Variants in PFDN1 observed in about 807,000 individuals in gnomAD.
PFDN1 encodes the protein prefoldin subunit 1.
Under a neutral mutation model 17.3 loss-of-function variants are expected in PFDN1, and 6 were observed. That is an observed-to-expected ratio of 0.35 (90% confidence interval 0.19 to 0.69). The LOEUF is 0.69. Ranked by LOEUF, PFDN1 falls within the 30% of genes least tolerant of loss-of-function variation. The pLI is 0.65. For synonymous variants in PFDN1, 58 were observed against 50.1 expected, an observed-to-expected ratio of 1.16 and a Z score of -0.67; for missense variants, 113 against 146.2, an observed-to-expected ratio of 0.77 and a Z score of 1.17.
chr5:140,303,101 T>C lies in PFDN1; in HGVS notation c.-28A>G, dbSNP rs1765774306. ...TGGTGCACTGTAAGCGCCTGCGCAG[T>C]GGGAGTTGGACTGAAATAGGGTGGG... On this transcript the variant is annotated 5_prime_UTR_variant, in exon 1 of 4. Coordinates refer to ENST00000261813, the MANE Select transcript of PFDN1 (RefSeq NM_002622.5). 6.3e-7 allele frequency: 1 copy of C among 1,599,600 alleles called. No homozygotes were observed. The highest frequency in any genetic ancestry group is 1.7e-5 in the Admixed American group (1 of 59,970).
chr5:140,281,304 C>G (rs1012334620), intron 3 of PFDN1, 145 bp downstream of exon 3: 27 of 564,744 alleles, frequency 4.8e-5, no homozygotes, highest in Non-Finnish European at 7.2e-5. Flanking sequence ...ATGAATATGA[C>G]AGCTTCACGG....
At chr5:140,290,231 C>G (rs1765559695) in intron 2 of PFDN1, among the ~76,000 whole-genome samples, 1 of 152,078 alleles carries the variant, frequency 6.6e-6, no homozygotes, top group Non-Finnish European at 1.5e-5. Context: ...GTTGCATCCC[C>G]CAAGATTTAA....
chr5:140,264,131 T>G (rs6891922), intron 3 of PFDN1, among the ~76,000 whole-genome samples: 34,118 of 147,966 alleles, frequency 0.23, 4,316 homozygotes, highest in South Asian at 0.47. Context: ...GAGTGGGAAG[T>G]TCCAGACATT....
At chr5:140,283,652 A>C (rs908391480) in intron 2 of PFDN1, among the ~76,000 whole-genome samples, 5 of 152,210 alleles carry the variant, frequency 3.3e-5, no homozygotes, top group Non-Finnish European at 7.3e-5. Context: ...CAGGTCTTTT[A>C]CTATAGAACC....
Position 140,245,847 on chromosome 5 carries a change from G to C in PFDN1, c.*127C>G. The C allele has an allele frequency of 1.5e-6, 1 of 665,164 alleles. No individual in the cohort carries two copies. Among genetic ancestry groups the C allele is most frequent in the Non-Finnish European group, 2.7e-6 (1 of 370,504 alleles). 41.2% of individuals were successfully genotyped at this position (665,164 alleles called of 1,614,324 possible). A position where few individuals can be genotyped will look rare whatever the true frequency, so the allele number is the denominator to read the frequency against. ...TGGGGCTCAGGGTGATGCAGAAAAT[G>C]TGATGTTGCCAGGCCATCCAAATAA... On this transcript the variant is annotated 3_prime_UTR_variant, in exon 4 of 4. Transcript: ENST00000261813.
intron 2 of PFDN1, among the ~76,000 whole-genome samples, chr5:140,290,173 G>T (rs1192380860): frequency 6.6e-6 from 1 of 152,134 alleles, no homozygotes; most frequent in Non-Finnish European, 1.5e-5. Context: ...GTAAATCAGA[G>T]AATTGAGTTC....
intron 3 of PFDN1, among the ~76,000 whole-genome samples, chr5:140,270,024 G>A (rs563621144): frequency 6.6e-6 from 1 of 152,260 alleles, no homozygotes; most frequent in African/African-American, 2.4e-5. Flanking sequence ...ATTAATAAAG[G>A]TGTGGCCTTC....
chr5:140,252,286 T>C (rs995971292), intron 3 of PFDN1, among the ~76,000 whole-genome samples: 1 of 152,176 alleles, frequency 6.6e-6, no homozygotes, highest in African/African-American at 2.4e-5. Context: ...AAAATAGCCC[T>C]GCTGGCTCAT....
At chr5:140,252,774 C>G (rs1764932815) in intron 3 of PFDN1, among the ~76,000 whole-genome samples, 1 of 152,106 alleles carries the variant, frequency 6.6e-6, no homozygotes, top group Non-Finnish European at 1.5e-5. Flanking sequence ...AAAAAGGCAA[C>G]AAGAGGACAC....
chr5:140,267,212 T>C (rs1008306427), intron 3 of PFDN1, among the ~76,000 whole-genome samples: 4 of 152,264 alleles, frequency 2.6e-5, no homozygotes, highest in African/African-American at 9.6e-5. Context: ...CATGCGGTTA[T>C]ATTTTATCAA....
At chr5:140,257,059 T>C (rs181258139) in intron 3 of PFDN1, among the ~76,000 whole-genome samples, 1 of 151,870 alleles carries the variant, frequency 6.6e-6, no homozygotes, top group African/African-American at 2.4e-5. Flanking sequence ...CTGTCTCTAC[T>C]AAAAATAAAA....
intron 3 of PFDN1, among the ~76,000 whole-genome samples, chr5:140,278,034 C>A (rs768915647): frequency 2.0e-5 from 3 of 151,088 alleles, no homozygotes; most frequent in Non-Finnish European, 3.0e-5. Context: ...CATGGTGAAA[C>A]CCAAACCCCG....
rs1196012777 is a variant in PFDN1 at position 140,254,759 on chromosome 5, C to T, written c.286-8702G>A. On this transcript the variant is annotated intron_variant, in intron 3 of 3. Coordinates refer to ENST00000261813, the MANE Select transcript of PFDN1 (RefSeq NM_002622.5). The surrounding 1 kb of genome is among the most constrained non-coding windows in gnomAD (Gnocchi z 4.4). Reference sequence around the variant, plus strand: ...TTCCAGGTCACTTCTGATACTCTCGCTCCAGCATTTCTTCAACCTCGTCAC... The same window carrying T: ...TTCCAGGTCACTTCTGATACTCTCGTTCCAGCATTTCTTCAACCTCGTCAC... Among the ~76,000 whole-genome samples, 1 of 152,240 alleles carries T rather than the reference C, an allele frequency of 6.6e-6. No homozygotes were observed. The highest frequency in any genetic ancestry group is 1.5e-5 in the Non-Finnish European group (1 of 68,052).
intron 3 of PFDN1, among the ~76,000 whole-genome samples, chr5:140,280,098 C>G (rs937894753): frequency 8.1e-5 from 12 of 147,304 alleles, no homozygotes; most frequent in African/African-American, 2.3e-4. Context: ...TTAGGGTAAA[C>G]AGTATTAACA....
chr5:140,297,540 A>C (rs1406521588), intron 2 of PFDN1, among the ~76,000 whole-genome samples: 2 of 152,244 alleles, frequency 1.3e-5, no homozygotes, highest in Non-Finnish European at 2.9e-5. Flanking sequence ...ACAGCACTAA[A>C]GTCAAATTTA....
intron 2 of PFDN1, among the ~76,000 whole-genome samples, chr5:140,287,941 C>T (rs1237386848): frequency 2.6e-5 from 4 of 152,166 alleles, no homozygotes; most frequent in Admixed American, 6.5e-5. Context: ...CACCATATGC[C>T]GATGAAGCTG....
At chr5:140,278,581 A>AAAAAAAAAAAAAAC (rs1765339887) in intron 3 of PFDN1, among the ~76,000 whole-genome samples, 1 of 128,068 alleles carries the variant, frequency 7.8e-6, no homozygotes. Flanking sequence ...AAAAAAAAAA[A>AAAAAAAAAAAAAAC]AAAAAACAAA....
At chr5:140,252,779 G>A (rs1764932944) in intron 3 of PFDN1, among the ~76,000 whole-genome samples, 1 of 152,168 alleles carries the variant, frequency 6.6e-6, no homozygotes, top group African/African-American at 2.4e-5. Flanking sequence ...GGCAACAAGA[G>A]GACACAATCA....
chr5:140,261,260 G>T (rs976760170), intron 3 of PFDN1, among the ~76,000 whole-genome samples: 6 of 151,310 alleles, frequency 4.0e-5, no homozygotes, highest in Non-Finnish European at 8.8e-5. Context: ...ATTTTCACCA[G>T]CAAATCAGTC....
Sources: allele counts gnomAD v4.1 joint callset (sites outside exome capture counted in the v4.1 genomes callset), GRCh38; gene constraint gnomAD v4.1.1; non-coding constraint Gnocchi (gnomAD v3.1); transcripts MANE v1.5; gene names NCBI Gene and HGNC (gene_info 2026-07-23, HGNC 2026-07-21).